CASP8: variants seen among roughly 807,000 people sequenced by gnomAD.
The protein encoded by CASP8 is caspase 8, also known as caspase-8.
Under a neutral mutation model 46.3 loss-of-function variants are expected in CASP8, and 24 were observed. The observed-to-expected ratio is 0.52, with a 90% CI of 0.38 to 0.73. The LOEUF (loss-of-function observed/expected upper bound fraction) is 0.73. Ranked by LOEUF, CASP8 falls within the 30% of genes least tolerant of loss-of-function variation. The probability of loss-of-function intolerance (pLI) is 0.00; values close to 1 mark genes in which losing one functional copy is unlikely to be tolerated. For missense variants in CASP8, 460 were observed against 559.0 expected (o/e 0.82, Z 1.79); for synonymous variants, 188 against 200.4 (o/e 0.94, Z 0.52).
At chr2:201,240,755 C>T (rs1946264295) in intron 2 of CASP8, 1 of 152,162 alleles carries the variant, frequency 6.6e-6, no homozygotes, top group Non-Finnish European at 1.5e-5. Flanking sequence ...ATGGAACTTT[C>T]TCCAAGGTAG....
At chr2:201,280,957 A>C (rs570762671) in intron 7 of CASP8, among the ~76,000 whole-genome samples, 2 of 152,368 alleles carry the variant, frequency 1.3e-5, no homozygotes, top group Non-Finnish European at 2.9e-5. Context: ...GGAAAGGCAA[A>C]AAGGTTAATA....
intron 2 of CASP8, among the ~76,000 whole-genome samples, chr2:201,238,939 G>A (rs1157111304): frequency 6.6e-6 from 1 of 151,798 alleles, no homozygotes; most frequent in Non-Finnish European, 1.5e-5. Flanking sequence ...TGTGTCCCTG[G>A]GTACTTGAGA....
chr2:201,236,973 C>T (rs919325179), intron 2 of CASP8, among the ~76,000 whole-genome samples: 3 of 152,152 alleles, frequency 2.0e-5, no homozygotes, highest in Non-Finnish European at 4.4e-5. Flanking sequence ...CTATCCCCAC[C>T]CTCCTGAATT....
At chr2:201,263,807 A>G (rs144996223) in intron 1 of CASP8, among the ~76,000 whole-genome samples, 608 of 152,344 alleles carry the variant, frequency 4.0e-3, no homozygotes, top group African/African-American at 0.014. Flanking sequence ...GATCTTTTCC[A>G]GCATGTGAAT....
At chr2:201,265,161 A>C (rs3820970) in intron 1 of CASP8, among the ~76,000 whole-genome samples, 9 of 152,046 alleles carry the variant, frequency 5.9e-5, no homozygotes, top group Admixed American at 5.9e-4. Flanking sequence ...TCACTTAAAA[A>C]CTCAAAATCT....
In CASP8 at chr2:201,250,682, A is replaced by T. The variant is rs557074147; in HGVS notation, c.-26-15779A>T. Reference sequence around the variant, plus strand: ...CTCCGCCTCCAACATTAGGAATTACAACTGGACATGAGTTTGGGTGAGGAC... The same window carrying T: ...CTCCGCCTCCAACATTAGGAATTACTACTGGACATGAGTTTGGGTGAGGAC... On this transcript the variant is annotated intron_variant, in intron 2 of 6. Coordinates refer to the CASP8 transcript ENST00000264274. Among the ~76,000 whole-genome samples the T allele has an allele frequency of 3.9e-5, 6 of 152,356 alleles. No individual in the cohort carries two copies. In the South Asian group the frequency reaches 8.3e-4, roughly 21 times the overall value.
At chr2:201,261,374 A>G (rs1947386993) in intron 1 of CASP8, among the ~76,000 whole-genome samples, 1 of 148,810 alleles carries the variant, frequency 6.7e-6, no homozygotes, top group South Asian at 2.2e-4. Context: ...CTGGGCAACA[A>G]GAGCGAAACT....
At chr2:201,260,699 G>A in intron 1 of CASP8, 86 bp downstream of exon 1, 1 of 313,208 alleles carries the variant, frequency 3.2e-6, no homozygotes, top group Non-Finnish European at 4.6e-6. Context: ...TGCTGAGAGT[G>A]AGATCGGGTG....
Position 201,266,877 on chromosome 2 carries a change from C to T in CASP8, c.305+86C>T, listed in dbSNP as rs1363712345. On this transcript the variant is annotated intron_variant, in intron 2 of 8. Transcript: ENST00000673742. The surrounding 1 kb of genome is among the most constrained non-coding windows in gnomAD (Gnocchi z 5.7). Reference sequence around the variant, plus strand: ...TGATTGGGGCTTTTTTTTGTGGTACCCTGCCTAGTGCCTGGGAACCCAGCA... The same window carrying T: ...TGATTGGGGCTTTTTTTTGTGGTACTCTGCCTAGTGCCTGGGAACCCAGCA... 2.1e-6 allele frequency: 2 copies of T among 952,826 alleles called. No individual in the cohort carries two copies. Among genetic ancestry groups the T allele is most frequent in the Non-Finnish European group, 3.1e-6 (2 of 638,758 alleles). The allele number at this position is 952,826 out of a possible 1,614,324, so 59.0% of individuals were successfully genotyped here. A position where few individuals can be genotyped will look rare whatever the true frequency, so the allele number is the denominator to read the frequency against.
intron 7 of CASP8, among the ~76,000 whole-genome samples, chr2:201,280,758 T>G (rs2125375671): frequency 6.6e-6 from 1 of 152,220 alleles, no homozygotes; most frequent in African/African-American, 2.4e-5. Flanking sequence ...GAACAGCCAG[T>G]TGGTATTACA....
rs755068532 is a variant in CASP8, at chr2:201,266,441, T to C, written c.-26-20T>C. The C allele has an allele frequency of 5.1e-6, 8 of 1,579,682 alleles. No individual in the cohort carries two copies. The South Asian group carries it at 7.7e-5, about 15-fold the overall frequency. ...GGTACTTTTCTTCCTTATCTGAACATACCATTTATTTTGACTTAGATTATA... is the reference window on the plus strand; with the variant it reads ...GGTACTTTTCTTCCTTATCTGAACACACCATTTATTTTGACTTAGATTATA... On this transcript the variant is annotated intron_variant, in intron 1 of 8. Coordinates refer to ENST00000673742, the MANE Select transcript of CASP8 (RefSeq NM_001372051.1). The surrounding 1 kb of genome is among the most constrained non-coding windows in gnomAD (Gnocchi z 5.7).
upstream of CASP8, chr2:201,258,452 A>G (rs980047341): frequency 6.3e-7 from 1 of 1,587,920 alleles, no homozygotes; most frequent in African/African-American, 1.3e-5. Context: ...GACTTGCTCT[A>G]GAAACAGGGC....
At chr2:201,283,203 G>A (rs1949247163) in intron 7 of CASP8, among the ~76,000 whole-genome samples, 1 of 80,330 alleles carries the variant, frequency 1.2e-5, no homozygotes. Context: ...TGGACGGGGC[G>A]GCTGGCCAGG....
chr2:201,265,393 G>A (rs930808792), intron 1 of CASP8, among the ~76,000 whole-genome samples: 16 of 148,180 alleles, frequency 1.1e-4, no homozygotes, highest in South Asian at 6.6e-4. Flanking sequence ...AAAAAAAAAC[G>A]AAAACTAAAT....
At chr2:201,235,819 G>A (rs1946024038) in intron 2 of CASP8, among the ~76,000 whole-genome samples, 2 of 152,110 alleles carry the variant, frequency 1.3e-5, no homozygotes, top group Admixed American at 6.5e-5. Context: ...TTATAATACG[G>A]TATTTTTACT....
At chr2:201,256,912 G>A (rs983828693), upstream of CASP8, among the ~76,000 whole-genome samples, 19 of 150,992 alleles carry the variant, frequency 1.3e-4, no homozygotes, top group Admixed American at 1.2e-3. Context: ...CTGCCAGGCC[G>A]AGGCGGGTGG....
Position 201,272,586 on chromosome 2 carries a change from A to G in CASP8, c.412-52A>G, listed in dbSNP as rs1474292668. The G allele has an allele frequency of 6.2e-7, 1 of 1,606,004 alleles. No homozygotes were observed. The highest frequency in any genetic ancestry group is 8.5e-7 in the Non-Finnish European group (1 of 1,174,460). ...AAATTAAAAAAAAAAATCTAATCTA[A>G]AAACCAGTAGGGCTCAATCCAGATT... On this transcript the variant is annotated intron_variant, in intron 3 of 8. Transcript: ENST00000673742. This position sits in a 1 kb window ranked among gnomAD's most constrained non-coding sequence, Gnocchi z 4.4.
At position 201,271,623 on chromosome 2, in the gene CASP8, T is replaced by C. The variant is rs1244888701; in HGVS notation, c.411+2T>C. 1.3e-6 allele frequency: 2 copies of C among 1,520,382 alleles called. No homozygotes were observed. The highest frequency in any genetic ancestry group is 9.1e-7 in the Non-Finnish European group (1 of 1,094,578). The allele number at this position is 1,520,382 out of a possible 1,614,324, so 94.2% of individuals were successfully genotyped here. A position where few individuals can be genotyped will look rare whatever the true frequency, so the allele number is the denominator to read the frequency against. On this transcript the variant is annotated splice_donor_variant, in intron 3 of 8. Coordinates refer to ENST00000673742, the MANE Select transcript of CASP8 (RefSeq NM_001372051.1). LOFTEE classifies it high-confidence loss of function. ...AAATGCAAACTGGATGATGACATGGTAAGACCTGGTATCTTACTGAGATTT... is the reference window on the plus strand; with the variant it reads ...AAATGCAAACTGGATGATGACATGGCAAGACCTGGTATCTTACTGAGATTT...
At chr2:201,245,483 C>T (rs1044553788) in intron 2 of CASP8, among the ~76,000 whole-genome samples, 1 of 152,180 alleles carries the variant, frequency 6.6e-6, no homozygotes, top group African/African-American at 2.4e-5. Flanking sequence ...TCAAGTGATC[C>T]GCCCACCTCG....
Sources: allele counts gnomAD v4.1 joint callset (sites outside exome capture counted in the v4.1 genomes callset), GRCh38; gene constraint gnomAD v4.1.1; non-coding constraint Gnocchi (gnomAD v3.1); transcripts MANE v1.5; gene names NCBI Gene and HGNC (gene_info 2026-07-23, HGNC 2026-07-21).